Variants in OLA1 observed in about 807,000 individuals in gnomAD.
The protein encoded by OLA1 is obg-like ATPase 1.
A neutral mutation model predicts 48.4 loss-of-function variants in OLA1; 14 were observed. The ratio of observed to expected loss-of-function variants is 0.29; its 90% CI spans 0.19 to 0.45. OLA1 has a LOEUF of 0.45. OLA1 is among the 20% of genes least tolerant of loss of function. OLA1 has a pLI of 1.00. For synonymous variants in OLA1, 127 were observed against 150.4 expected (o/e 0.84, Z 1.14); for missense variants, 325 against 467.1 (o/e 0.70, Z 2.80).
In OLA1 at chr2:174,137,066, TAC is replaced by T. The variant is rs202053061; in HGVS notation, c.549+4757_549+4758del. Among the ~76,000 whole-genome samples, 705 of 152,318 alleles carry T rather than the reference TAC, an allele frequency of 4.6e-3. 10 individuals are homozygous for T. The Middle Eastern group carries it at 0.058, about 12-fold the overall frequency. On this transcript the variant is annotated intron_variant, in intron 5 of 10. Coordinates refer to ENST00000284719, the MANE Select transcript of OLA1 (RefSeq NM_013341.5). ...CAGATAAATCACTACCTATGATAGT[TAC>T]AGTCTTATGAAATGTATTTCTTAAA...
rs995898892 is a variant in OLA1 at position 174,082,896 on chromosome 2, C to A, written c.729-832G>T. Among the ~76,000 whole-genome samples the A allele has an allele frequency of 2.0e-5, 3 of 152,042 alleles. No homozygotes were observed. In the East Asian group the frequency reaches 5.8e-4, roughly 29 times the overall value. On this transcript the variant is annotated intron_variant, in intron 7 of 10. Transcript: ENST00000284719. ...TATATTAATTAGGTTCAGAGCCTAA[C>A]ACTTTCCTAGCTTTTTATTACTGGG...
rs113233045 is a variant in OLA1 at position 174,206,159 on chromosome 2, C to T, written c.373+16874G>A. Among the ~76,000 whole-genome samples, 817 of 152,320 alleles carry T rather than the reference C, an allele frequency of 5.4e-3. 10 individuals carry two copies. In the Middle Eastern group the frequency reaches 0.065, roughly 12 times the overall value. ...AGTTACATATAACAACAAGTGCCTT[C>T]ATTTTCAAAACCAAATCAGTCTCAA... On this transcript the variant is annotated intron_variant, in intron 4 of 10. Transcript: ENST00000284719.
intron 4 of OLA1, among the ~76,000 whole-genome samples, chr2:174,167,655 TAATA>T (rs956685564): frequency 5.9e-5 from 9 of 152,208 alleles, no homozygotes; most frequent in Non-Finnish European, 1.2e-4. Flanking sequence ...GGTATGATGG[TAATA>T]AATTAATACT....
chr2:174,235,056 G>A (rs1688814768), intron 2 of OLA1, among the ~76,000 whole-genome samples: 1 of 152,144 alleles, frequency 6.6e-6, no homozygotes, highest in East Asian at 1.9e-4. Context: ...CTACGTGGGA[G>A]GCTGCGGTAG....
At chr2:174,133,800 T>C (rs988725874) in intron 5 of OLA1, among the ~76,000 whole-genome samples, 1 of 152,214 alleles carries the variant, frequency 6.6e-6, no homozygotes, top group Non-Finnish European at 1.5e-5. Context: ...TTACATAAAA[T>C]TAGCCATCTG....
intron 4 of OLA1, among the ~76,000 whole-genome samples, chr2:174,201,113 G>A (rs1050428871): frequency 6.6e-6 from 1 of 152,086 alleles, no homozygotes; most frequent in African/African-American, 2.4e-5. Context: ...ATCATCACGA[G>A]TATTTTAGGT....
chr2:174,102,776 C>T (rs1295965811), intron 7 of OLA1, among the ~76,000 whole-genome samples: 2 of 152,166 alleles, frequency 1.3e-5, no homozygotes, highest in East Asian at 3.8e-4. Flanking sequence ...AGATTGGTAT[C>T]ATTTGTCTAC....
chr2:174,217,840 G>C (rs1688401838), intron 4 of OLA1: 1 of 152,024 alleles, frequency 6.6e-6, no homozygotes, highest in Admixed American at 6.6e-5. Context: ...CCATATTATT[G>C]TGTATAGAAA....
intron 4 of OLA1, among the ~76,000 whole-genome samples, chr2:174,197,616 C>CA (rs1687908108): frequency 6.6e-6 from 1 of 152,082 alleles, no homozygotes; most frequent in Non-Finnish European, 1.5e-5. Flanking sequence ...TTCCTGTACA[C>CA]AAAGGATCCT....
chr2:174,158,168 C>T (rs556797646), intron 4 of OLA1, among the ~76,000 whole-genome samples: 2 of 152,276 alleles, frequency 1.3e-5, no homozygotes, highest in East Asian at 3.9e-4. Context: ...ACCAGTTAAG[C>T]TAGAGCTATC....
intron 5 of OLA1, among the ~76,000 whole-genome samples, chr2:174,124,569 G>C (rs1189716791): frequency 6.6e-6 from 1 of 152,140 alleles, no homozygotes; most frequent in African/African-American, 2.4e-5. Flanking sequence ...ACAGGCAGGT[G>C]TTAATAAAAG....
In OLA1 at chr2:174,075,258, G is replaced by T. The variant is rs112003193; in HGVS notation, c.*168C>A. 1.2e-3 allele frequency: 569 copies of T among 466,070 alleles called. 1 individual carries two copies. The highest frequency in any genetic ancestry group is 1.6e-3 in the Non-Finnish European group (413 of 252,830). 28.9% of individuals were successfully genotyped at this position (466,070 alleles called of 1,614,324 possible). Reference sequence around the variant, plus strand: ...TTTAGTGAACCTGCATTTCATGGGGGGGGGGGGGTACACAGTATTTTAATT... The same window carrying T: ...TTTAGTGAACCTGCATTTCATGGGGTGGGGGGGGTACACAGTATTTTAATT... On this transcript the variant is annotated 3_prime_UTR_variant, in exon 11 of 11. Transcript: ENST00000284719.
intron 7 of OLA1, among the ~76,000 whole-genome samples, chr2:174,120,538 C>T (rs1685892034): frequency 6.6e-6 from 1 of 152,156 alleles, no homozygotes; most frequent in African/African-American, 2.4e-5. Context: ...AACCCGGCTG[C>T]CATGTCAGCT....
intron 7 of OLA1, among the ~76,000 whole-genome samples, chr2:174,110,230 G>A (rs749003773): frequency 2.7e-5 from 4 of 149,626 alleles, no homozygotes; most frequent in Non-Finnish European, 4.4e-5. Flanking sequence ...TCCACCTCCC[G>A]AGTTCAAATG....
chr2:174,221,171 T>A (rs992036951), intron 4 of OLA1, among the ~76,000 whole-genome samples: 8 of 152,176 alleles, frequency 5.3e-5, no homozygotes, highest in Non-Finnish European at 1.2e-4. Context: ...GAGCATAGTA[T>A]CTACTTTAAT....
intron 5 of OLA1, among the ~76,000 whole-genome samples, chr2:174,132,614 T>C (rs1445914663): frequency 2.0e-5 from 3 of 152,192 alleles, no homozygotes; most frequent in Non-Finnish European, 4.4e-5. Context: ...TTTAGAATTA[T>C]ACTGCTTAAC....
chr2:174,199,069 C>T (rs1301669791), intron 4 of OLA1, among the ~76,000 whole-genome samples: 1 of 147,830 alleles, frequency 6.8e-6, no homozygotes, highest in Non-Finnish European at 1.5e-5. Context: ...ACATCTCTAA[C>T]GTGCTGGGTG....
chr2:174,186,931 G>T (rs1415399607), intron 4 of OLA1, among the ~76,000 whole-genome samples: 1 of 152,048 alleles, frequency 6.6e-6, no homozygotes, highest in African/African-American at 2.4e-5. Flanking sequence ...CAAAAGTGAT[G>T]AACAGAAGTT....
intron 4 of OLA1, among the ~76,000 whole-genome samples, chr2:174,210,224 G>T (rs1435167903): frequency 6.6e-6 from 1 of 152,020 alleles, no homozygotes; most frequent in African/African-American, 2.4e-5. Flanking sequence ...AACGAATACT[G>T]TACAACATAC....
Sources: gnomAD v4.1 joint callset for allele counts (sites outside exome capture counted in the v4.1 genomes callset) on GRCh38, gnomAD v4.1.1 for gene constraint, MANE v1.5 for transcripts, NCBI Gene and HGNC (gene_info 2026-07-23, HGNC 2026-07-21) for gene names.